CYTH2: variants seen among roughly 807,000 people sequenced by gnomAD.
CYTH2 encodes cytohesin 2, also known as cytohesin-2.
Under a neutral mutation model 55.4 loss-of-function variants are expected in CYTH2, and 24 were observed. That is an observed-to-expected ratio of 0.43 (90% confidence interval 0.31 to 0.61). CYTH2 has a LOEUF of 0.61. Among genes scored for constraint, CYTH2 ranks in the 20% least tolerant of loss-of-function variants. The pLI is 0.08. For missense variants in CYTH2, 378 were observed against 533.5 expected, an observed-to-expected ratio of 0.71 and a Z score of 2.87; for synonymous variants, 221 against 209.6, an observed-to-expected ratio of 1.05 and a Z score of -0.47.
Position 48,470,344 on chromosome 19 carries a change from G to A in CYTH2, c.20-9G>A, listed in dbSNP as rs1164709802. 5.0e-6 allele frequency: 8 copies of A among 1,602,382 alleles called. No homozygotes were observed. Among genetic ancestry groups the A allele is most frequent in the Admixed American group, 3.4e-5 (2 of 58,448 alleles). On this transcript the variant is annotated splice_polypyrimidine_tract_variant and intron_variant, in intron 1 of 11. Coordinates refer to ENST00000452733, the MANE Select transcript of CYTH2 (RefSeq NM_004228.7). Reference sequence around the variant, plus strand: ...GCACTGACTTTTAAACCTTGACCCCGATCCCTAGAACCCCCAGACCTGACT... The same window carrying A: ...GCACTGACTTTTAAACCTTGACCCCAATCCCTAGAACCCCCAGACCTGACT...
Position 48,482,199 on chromosome 19 carries a change from T to C in CYTH2, c.*2989T>C, listed in dbSNP as rs570117086. The C allele has an allele frequency of 3.6e-4, 55 of 152,250 alleles. No homozygotes were observed. The highest frequency in any genetic ancestry group is 1.3e-3 in the African/African-American group (54 of 41,508). 9.4% of individuals were successfully genotyped at this position (152,250 alleles called of 1,614,324 possible). A position where few individuals can be genotyped will look rare whatever the true frequency, so the allele number is the denominator to read the frequency against. On this transcript the variant is annotated 3_prime_UTR_variant, in exon 12 of 12. Transcript: ENST00000452733. ...TGAGCCAAATCAACCTCTTCCTTTA[T>C]AAAGACCCAGCCTCAGGTCTTCTGT...
In CYTH2 at chr19:48,481,913, G is replaced by A. The variant is rs1165009756; in HGVS notation, c.*2703G>A. On this transcript the variant is annotated 3_prime_UTR_variant, in exon 12 of 12. Transcript: ENST00000452733. ...CCAGTGTGGCAGGTGTTGGGATGTG[G>A]GGCCTCATAAGGAGCTGTGTGGTCT... The A allele has an allele frequency of 2.9e-5, 1 of 34,638 alleles. No homozygotes were observed. The highest frequency in any genetic ancestry group is 2.5e-4 in the Admixed American group (1 of 3,986). The allele number at this position is 34,638 out of a possible 1,614,324, so 2.1% of individuals were successfully genotyped here. A position where few individuals can be genotyped will look rare whatever the true frequency, so the allele number is the denominator to read the frequency against.
At chr19:48,471,339 A>G (rs970915503) in intron 3 of CYTH2, among the ~76,000 whole-genome samples, 3 of 152,084 alleles carry the variant, frequency 2.0e-5, no homozygotes, top group African/African-American at 7.2e-5. Flanking sequence ...TTTAGTACAG[A>G]TGGGGTTTCA....
rs955348537 is a variant in CYTH2 at position 48,469,671 on chromosome 19, T to A, written c.19+145T>A. On this transcript the variant is annotated intron_variant, in intron 1 of 11. Transcript: ENST00000452733. Reference sequence around the variant, plus strand: ...TTGTCGCGCCGCTTTTGTTGGGCGCTGGACGGGCTTCCGGCGGGGCCCGAA... The same window carrying A: ...TTGTCGCGCCGCTTTTGTTGGGCGCAGGACGGGCTTCCGGCGGGGCCCGAA... The A allele has an allele frequency of 2.4e-6, 3 of 1,235,174 alleles. No individual in the cohort carries two copies. The African/African-American group carries it at 4.8e-5, about 20-fold the overall frequency. The allele number at this position is 1,235,174 out of a possible 1,614,324, so 76.5% of individuals were successfully genotyped here.
rs1260050590 is a variant in CYTH2, at chr19:48,474,371, C to G, written c.696+41C>G. On this transcript the variant is annotated intron_variant, in intron 7 of 11. Coordinates refer to ENST00000452733, the MANE Select transcript of CYTH2 (RefSeq NM_004228.7). This position sits in a 1 kb window ranked among gnomAD's most constrained non-coding sequence, Gnocchi z 4.9. ...CTGCCCCTCAGCCCTGCCCCTCTTCCTGCCACAGACACCCCCGCCCCACCT... is the reference window on the plus strand; with the variant it reads ...CTGCCCCTCAGCCCTGCCCCTCTTCGTGCCACAGACACCCCCGCCCCACCT... The G allele has an allele frequency of 6.5e-7, 1 of 1,539,210 alleles. No homozygotes were observed. Among genetic ancestry groups the G allele is most frequent in the African/African-American group, 1.4e-5 (1 of 72,812 alleles).
At chr19:48,478,907 A>T (rs1318002159) in intron 11 of CYTH2, among the ~76,000 whole-genome samples, 1 of 107,886 alleles carries the variant, frequency 9.3e-6, no homozygotes, top group African/African-American at 3.5e-5. Context: ...CCTGGGTGTG[A>T]GGGAGGAGGG....
At position 48,481,507 on chromosome 19, in the gene CYTH2, TTTG is replaced by T. The variant is rs1972044614; in HGVS notation, c.*2300_*2302del. The T allele has an allele frequency of 5.4e-6, 1 of 184,682 alleles. No individual in the cohort carries two copies. The highest frequency in any genetic ancestry group is 1.6e-4 in the East Asian group (1 of 6,266). 11.4% of individuals were successfully genotyped at this position (184,682 alleles called of 1,614,324 possible). A position where few individuals can be genotyped will look rare whatever the true frequency, so the allele number is the denominator to read the frequency against. On this transcript the variant is annotated 3_prime_UTR_variant, in exon 12 of 12. Transcript: ENST00000452733. ...TTTTTGTAGGTTTTTTTTTTTGTTT[TTTG>T]TTTTGTTTTGTTTTGTTTTTGAGAG...
Position 48,478,530 on chromosome 19 carries a change from C to T in CYTH2, c.1050C>T (p.His350=), listed in dbSNP as rs761310704. 1.2e-6 allele frequency: 2 copies of T among 1,614,072 alleles called. No individual in the cohort carries two copies. The highest frequency in any genetic ancestry group is 1.1e-5 in the South Asian group (1 of 91,088). The change falls in exon 11 of 12, where the codon CAC becomes CAT. Residue 350 remains histidine (H), a synonymous_variant. Coordinates refer to ENST00000452733, the MANE Select transcript of CYTH2 (RefSeq NM_004228.7). ...EADGRVVEGN[H]MVYRISAPTQ... is the part of the protein sequence containing the mutation. ...ACGGCCGAGTGGTGGAGGGAAACCA[C>T]ATGGTGTACCGGATCTCGGCCCCCA...
chr19:48,474,999 G>T lies in CYTH2; in HGVS notation c.808+50G>T. 1 of 1,560,292 alleles carries T rather than the reference G, an allele frequency of 6.4e-7. No homozygotes were observed. Among genetic ancestry groups the T allele is most frequent in the Non-Finnish European group, 8.8e-7 (1 of 1,138,232 alleles). ...GTCCCTCCGCAGGAGGACATTTGTGGGCCTGGGCCCTGGACTCAGCTTCCG... is the reference window on the plus strand; with the variant it reads ...GTCCCTCCGCAGGAGGACATTTGTGTGCCTGGGCCCTGGACTCAGCTTCCG... On this transcript the variant is annotated intron_variant, in intron 8 of 11. Transcript: ENST00000452733. The surrounding 1 kb of genome is among the most constrained non-coding windows in gnomAD (Gnocchi z 4.9).
Position 48,474,806 on chromosome 19 carries a change from C to A in CYTH2, c.697-32C>A, listed in dbSNP as rs77201269. On this transcript the variant is annotated intron_variant, in intron 7 of 11. Transcript: ENST00000452733. The surrounding 1 kb of genome is among the most constrained non-coding windows in gnomAD (Gnocchi z 4.9). ...AGTAACCCTGGGGGGCCCCAGGGGG[C>A]TCGAATGGCTAATGCAGCCTTTACT... The A allele has an allele frequency of 3.4e-5, 54 of 1,610,044 alleles. 1 individual carries two copies. The East Asian group carries it at 4.5e-4, about 13-fold the overall frequency.
intron 11 of CYTH2, among the ~76,000 whole-genome samples, chr19:48,478,920 C>T (rs1174921264): frequency 3.1e-5 from 4 of 127,648 alleles, no homozygotes; most frequent in African/African-American, 6.0e-5. Flanking sequence ...GAGGAGGGGC[C>T]GGGGGCCTGG....
At position 48,478,046 on chromosome 19, in the gene CYTH2, CCCT is replaced by C. The variant is rs778976436; in HGVS notation, c.809-20_809-18del. Reference sequence around the variant, plus strand: ...CCTGTCCCCCTGTTGAGCCCAGGCCCCCTCCCACCCCTTCCCTTTCAGGGGGCC... The same window carrying C: ...CCTGTCCCCCTGTTGAGCCCAGGCCCCCCACCCCTTCCCTTTCAGGGGGCC... On this transcript the variant is annotated intron_variant, in intron 8 of 11. Transcript: ENST00000452733. 1 of 1,610,646 alleles carries C rather than the reference CCCT, an allele frequency of 6.2e-7. No homozygotes were observed. Among genetic ancestry groups the C allele is most frequent in the East Asian group, 2.2e-5 (1 of 44,860 alleles).
Position 48,473,387 on chromosome 19 carries a change from G to T in CYTH2, c.434+9G>T. The T allele has an allele frequency of 2.5e-6, 4 of 1,613,892 alleles. No homozygotes were observed. The highest frequency in any genetic ancestry group is 2.2e-5 in the East Asian group (1 of 44,878). On this transcript the variant is annotated intron_variant, in intron 5 of 11. Transcript: ENST00000452733. The stretch of plus-strand genomic sequence containing the variant: ...CTGGTGCAGGCCCTCAGGTGAGTGA[G>T]GGGGAGGGGTTTGGAACGCCAGGAA...
chr19:48,471,042 A>C (rs10426097), intron 3 of CYTH2, among the ~76,000 whole-genome samples: 16,936 of 151,972 alleles, frequency 0.11, 2,563 homozygotes, highest in African/African-American at 0.34. Context: ...AGGGTAGTGG[A>C]CCTCTGGAGG....
intron 4 of CYTH2, 184 bp downstream of exon 4, chr19:48,472,627 GC>G: frequency 1.5e-6 from 1 of 653,674 alleles, no homozygotes; most frequent in East Asian, 2.8e-5. Context: ...GGAGCCTGCG[GC>G]CAACCGAGAG....
intron 8 of CYTH2, chr19:48,475,545 A>C (rs1417373857): frequency 6.4e-6 from 1 of 155,698 alleles, no homozygotes. Context: ...GAAACCCAGC[A>C]GAGATGGAGG....
At position 48,480,237 on chromosome 19, in the gene CYTH2, C is replaced by A. The variant is rs1020185192; in HGVS notation, c.*1027C>A. ...GATGGCGGATTGGGAGGTCCCATGT[C>A]ACTCTCCCATGCCCGCCTTTGAAGC... On this transcript the variant is annotated 3_prime_UTR_variant, in exon 12 of 12. Transcript: ENST00000452733. 2 of 152,216 alleles carry A rather than the reference C, an allele frequency of 1.3e-5. No individual in the cohort carries two copies. Among genetic ancestry groups the A allele is most frequent in the African/African-American group, 4.8e-5 (2 of 41,450 alleles). 9.4% of individuals were successfully genotyped at this position (152,216 alleles called of 1,614,324 possible). A position where few individuals can be genotyped will look rare whatever the true frequency, so the allele number is the denominator to read the frequency against.
chr19:48,473,223 C>A (rs1213825875), intron 4 of CYTH2, 75 bp from the exon 5 acceptor site: 7 of 1,525,870 alleles, frequency 4.6e-6, no homozygotes, highest in Non-Finnish European at 6.4e-6. Context: ...GGCACGACTT[C>A]CCCAGGGCAT....
In CYTH2 at chr19:48,474,888, C is replaced by G; in HGVS notation, c.747C>G (p.Asp249Glu). 1 of 1,614,168 alleles carries G rather than the reference C, an allele frequency of 6.2e-7. No homozygotes were observed. ...RNEPFKIPED[D>E]GNDLTHTFFN... ...AGCCCTTCAAGATTCCTGAGGATGACGGGAATGACCTGACCCACACCTTCT... is the reference window on the plus strand; with the variant it reads ...AGCCCTTCAAGATTCCTGAGGATGAGGGGAATGACCTGACCCACACCTTCT... The change falls in exon 8 of 12, where the codon GAC becomes GAG. Residue 249 changes from aspartate to glutamate, a missense_variant. By Grantham distance (45) the Asp-to-Glu change is conservative. Transcript: ENST00000452733. The surrounding 1 kb of genome is among the most constrained non-coding windows in gnomAD (Gnocchi z 4.9).
Sources: gnomAD v4.1 joint callset for allele counts (sites outside exome capture counted in the v4.1 genomes callset) on GRCh38, gnomAD v4.1.1 for gene constraint, Gnocchi (gnomAD v3.1) non-coding constraint, MANE v1.5 for transcripts, NCBI Gene and HGNC (gene_info 2026-07-23, HGNC 2026-07-21) for gene names.